The following PPFIBP1 variants were observed in gnomAD, a reference collection of about 807,000 sequenced individuals.
PPFIBP1 encodes the protein liprin-beta-1.
A neutral mutation model predicts 137.8 loss-of-function variants in PPFIBP1; 112 were observed. That is an observed-to-expected ratio of 0.81 (90% confidence interval 0.70 to 0.95). PPFIBP1 has a LOEUF of 0.95. Among genes scored for constraint, PPFIBP1 ranks in the 40% least tolerant of loss-of-function variants. The probability of loss-of-function intolerance (pLI) is 0.00; values close to 1 mark genes in which losing one functional copy is unlikely to be tolerated. For missense variants in PPFIBP1, 1,083 were observed against 1,196.6 expected, an observed-to-expected ratio of 0.91 and a Z score of 1.40; for synonymous variants, 378 against 417.3, an observed-to-expected ratio of 0.91 and a Z score of 1.15.
chr12:27,570,241 C>T (rs931193918), intron 1 of PPFIBP1, among the ~76,000 whole-genome samples: 1 of 152,102 alleles, frequency 6.6e-6, no homozygotes, highest in Non-Finnish European at 1.5e-5. Context: ...TTGTATTTTA[C>T]ATACTATATA....
intron 7 of PPFIBP1, among the ~76,000 whole-genome samples, chr12:27,651,514 A>G (rs916563176): frequency 2.0e-5 from 3 of 152,178 alleles, no homozygotes; most frequent in Non-Finnish European, 4.4e-5. Context: ...CCAATTTAAA[A>G]TTCTTGGTTT....
At position 27,660,910 on chromosome 12, in the gene PPFIBP1, G is replaced by C; in HGVS notation, c.871G>C (p.Ala291Pro). 1 of 1,613,448 alleles carries C rather than the reference G, an allele frequency of 6.2e-7. No individual in the cohort carries two copies. Among genetic ancestry groups the C allele is most frequent in the South Asian group, 1.1e-5 (1 of 90,996 alleles). Reference protein sequence around the residue: ...KNIEVQKMKKAVESLMAANEE... With the variant: ...KNIEVQKMKKPVESLMAANEE... ...CATCGAAGTACAAAAAATGAAAAAA[G>C]CTGTGGAGTCCTTGATGGCAGCAAA... Residue 291 changes from alanine (A) to proline (P), a missense_variant, in exon 11 of 30, where the codon GCT becomes CCT. Coordinates refer to ENST00000228425, the MANE Select transcript of PPFIBP1 (RefSeq NM_003622.4).
intron 1 of PPFIBP1, among the ~76,000 whole-genome samples, chr12:27,570,765 T>C (rs1483730920): frequency 6.6e-6 from 1 of 151,272 alleles, no homozygotes; most frequent in African/African-American, 2.4e-5. Flanking sequence ...AAAAAAAAAT[T>C]AGCCGGTTGT....
chr12:27,686,971 CA>C (rs201233586), intron 24 of PPFIBP1, among the ~76,000 whole-genome samples: 1,783 of 152,268 alleles, frequency 0.012, 27 homozygotes, highest in African/African-American at 0.041. Flanking sequence ...ACAGAGAGGG[CA>C]GTTTATCCAA....
Position 27,679,951 on chromosome 12 carries a change from A to C in PPFIBP1, c.1785A>C (p.Ser595=). The C allele has an allele frequency of 6.2e-7, 1 of 1,614,130 alleles. No individual in the cohort carries two copies. ...TCTTTAGACTTAGGAGAAGTCAATC[A>C]ACTACATTCAACCCAGATGACATGT... ...KLFGKLRRSQ[S]TTFNPDDMSE... The change falls in exon 21 of 30, where the codon TCA becomes TCC. Residue 595 remains serine (S), a synonymous_variant. Coordinates refer to ENST00000228425, the MANE Select transcript of PPFIBP1 (RefSeq NM_003622.4).
At position 27,670,932 on chromosome 12, in the gene PPFIBP1, G is replaced by T. The variant is rs559976582; in HGVS notation, c.1147-499G>T. On this transcript the variant is annotated intron_variant, in intron 13 of 29. Coordinates refer to ENST00000228425, the MANE Select transcript of PPFIBP1 (RefSeq NM_003622.4). Reference sequence around the variant, plus strand: ...GTGAAACTGATGGATGCCTAGCGAAGTTATTTGCTAAGATCACCGATCACT... The same window carrying T: ...GTGAAACTGATGGATGCCTAGCGAATTTATTTGCTAAGATCACCGATCACT... Among the ~76,000 whole-genome samples the T allele has an allele frequency of 7.2e-5, 11 of 152,088 alleles. No individual in the cohort carries two copies. The East Asian group carries it at 2.1e-3, about 29-fold the overall frequency.
intron 4 of PPFIBP1, among the ~76,000 whole-genome samples, chr12:27,644,970 C>T (rs2058374409): frequency 1.3e-5 from 2 of 151,208 alleles, no homozygotes; most frequent in South Asian, 4.2e-4. Flanking sequence ...AGAATTGATA[C>T]TAGAAACTGC....
At chr12:27,642,017 T>C (rs2058145520) in intron 4 of PPFIBP1, among the ~76,000 whole-genome samples, 1 of 152,054 alleles carries the variant, frequency 6.6e-6, no homozygotes, top group African/African-American at 2.4e-5. Context: ...AAGGGAAAAG[T>C]AGATGGTGTT....
intron 24 of PPFIBP1, among the ~76,000 whole-genome samples, chr12:27,683,002 T>C (rs1454418400): frequency 6.6e-6 from 1 of 152,248 alleles, no homozygotes. Context: ...AAGTAAACAC[T>C]GAAGTGTACA....
intron 2 of PPFIBP1, chr12:27,608,894 T>G (rs1408548429): frequency 4.9e-6 from 1 of 203,308 alleles, no homozygotes; most frequent in African/African-American, 2.4e-5. Flanking sequence ...TTTTTTGTTT[T>G]GTTTTGTTTT....
At chr12:27,676,972 G>A (rs781641572) in intron 18 of PPFIBP1, 92 bp from the exon 19 acceptor site, 20 of 1,553,928 alleles carry the variant, frequency 1.3e-5, no homozygotes, top group African/African-American at 2.7e-5. Flanking sequence ...TGTATTTGGC[G>A]AGGAGGAGTC....
intron 24 of PPFIBP1, among the ~76,000 whole-genome samples, chr12:27,686,748 C>T (rs1489451961): frequency 6.6e-6 from 1 of 152,014 alleles, no homozygotes; most frequent in African/African-American, 2.4e-5. Flanking sequence ...TTCAGAAAAC[C>T]CAGCCTTGCT....
chr12:27,622,664 G>A (rs755240986), intron 2 of PPFIBP1, among the ~76,000 whole-genome samples: 1 of 152,230 alleles, frequency 6.6e-6, no homozygotes, highest in Admixed American at 6.5e-5. Context: ...CCACTGGAAT[G>A]TCAGCCCCCT....
chr12:27,647,803 C>T lies in PPFIBP1; in HGVS notation c.432C>T (p.His144=). The change falls in exon 6 of 30, where the codon CAC becomes CAT. Residue 144 remains histidine, a synonymous_variant. Transcript: ENST00000228425. The part of the protein sequence containing the change: ...IRDLEFCLEE[H]REKVNATEEM... ...ATTTGGAGTTTTGTCTTGAAGAGCA[C>T]AGAGAGAAGGTGAATGCCACAGAAG... is the stretch of plus-strand genomic sequence containing the variant. The T allele has an allele frequency of 6.2e-7, 1 of 1,611,856 alleles. No individual in the cohort carries two copies. The highest frequency in any genetic ancestry group is 8.5e-7 in the Non-Finnish European group (1 of 1,179,160).
chr12:27,622,174 C>T (rs1399777870), intron 2 of PPFIBP1, among the ~76,000 whole-genome samples: 1 of 152,178 alleles, frequency 6.6e-6, no homozygotes, highest in Non-Finnish European at 1.5e-5. Context: ...TTTTCTTGCT[C>T]CCTGTGTTGC....
chr12:27,653,231 G>T lies in PPFIBP1; in HGVS notation c.604-1491G>T, dbSNP rs114326343. Among the ~76,000 whole-genome samples the T allele has an allele frequency of 1.7e-3, 256 of 152,204 alleles. 1 individual carries two copies. The highest frequency in any genetic ancestry group is 5.4e-3 in the African/African-American group (223 of 41,524). The stretch of plus-strand genomic sequence containing the variant: ...CTACTTGTAATTTTTGGCATTCGTG[G>T]ATAATTTTGTCCTGTAGTCTATGAA... On this transcript the variant is annotated intron_variant, in intron 7 of 29. Coordinates refer to ENST00000228425, the MANE Select transcript of PPFIBP1 (RefSeq NM_003622.4).
At chr12:27,563,157 T>C (rs2049301300) in intron 1 of PPFIBP1, among the ~76,000 whole-genome samples, 1 of 150,446 alleles carries the variant, frequency 6.6e-6, no homozygotes, top group Non-Finnish European at 1.5e-5. Context: ...AGCAGACAAT[T>C]CAGGCCAGGT....
At chr12:27,524,806 T>C (rs955189193) in intron 1 of PPFIBP1, among the ~76,000 whole-genome samples, 1 of 152,222 alleles carries the variant, frequency 6.6e-6, no homozygotes, top group African/African-American at 2.4e-5. Flanking sequence ...TGTGGCCTAT[T>C]ATATATTAAA....
chr12:27,645,924 C>T (rs891314205), intron 4 of PPFIBP1, 138 bp from the exon 5 acceptor site: 5 of 634,270 alleles, frequency 7.9e-6, no homozygotes, highest in East Asian at 2.9e-5. Context: ...ATTGCATTCT[C>T]GTATTTTCTG....
Sources: gnomAD v4.1 joint callset for allele counts (sites outside exome capture counted in the v4.1 genomes callset) on GRCh38, gnomAD v4.1.1 for gene constraint, MANE v1.5 for transcripts, NCBI Gene and HGNC (gene_info 2026-07-23, HGNC 2026-07-21) for gene names.